The following LARP6 variants were observed in gnomAD, a reference collection of about 807,000 sequenced individuals.
LARP6 encodes La ribonucleoprotein 6, translational regulator, also known as la-related protein 6.
A neutral mutation model predicts 32.8 loss-of-function variants in LARP6; 18 were observed. The observed-to-expected ratio is 0.55, with a 90% CI of 0.38 to 0.81. The LOEUF (loss-of-function observed/expected upper bound fraction) is 0.81, where lower values mean the gene tolerates loss of function less well. Among genes scored for constraint, LARP6 ranks in the 40% least tolerant of loss-of-function variants. The probability of loss-of-function intolerance (pLI) is 0.00; values close to 1 mark genes in which losing one functional copy is unlikely to be tolerated. For missense variants in LARP6, 598 were observed against 663.1 expected, an observed-to-expected ratio of 0.90 and a Z score of 1.08; for synonymous variants, 289 against 267.2, an observed-to-expected ratio of 1.08 and a Z score of -0.80.
chr15:70,835,116 T>C (rs2032123762), intron 2 of LARP6, among the ~76,000 whole-genome samples: 1 of 152,242 alleles, frequency 6.6e-6, no homozygotes, highest in African/African-American at 2.4e-5. Flanking sequence ...ACTTTTCATA[T>C]GAAGGTTTGC....
At chr15:70,836,535 G>C in intron 1 of LARP6, 30 bp from the exon 2 acceptor site, 1 of 1,586,498 alleles carries the variant, frequency 6.3e-7, no homozygotes, top group Non-Finnish European at 8.7e-7. Flanking sequence ...CCGGGTGTTA[G>C]GGTCAACGTT....
chr15:70,847,546 T>G (rs1403079526), intron 1 of LARP6, among the ~76,000 whole-genome samples: 1 of 152,028 alleles, frequency 6.6e-6, no homozygotes, highest in African/African-American at 2.4e-5. Flanking sequence ...ATTTTTGTAT[T>G]TTTTAGTAGA....
rs1203357268 is a variant in LARP6, at chr15:70,854,137, G to C, written c.-49C>G. 12 of 1,200,958 alleles carry C rather than the reference G, an allele frequency of 1.0e-5. No individual in the cohort carries two copies. The highest frequency in any genetic ancestry group is 1.2e-5 in the Non-Finnish European group (12 of 963,920). 74.4% of individuals were successfully genotyped at this position (1,200,958 alleles called of 1,614,324 possible). The stretch of plus-strand genomic sequence containing the variant: ...CGGGGTCCTCACGCCGCAAGGCCCA[G>C]CCAGCCGGTCGGCAGCGACTGCGAC... On this transcript the variant is annotated 5_prime_UTR_variant, in exon 1 of 3. Coordinates refer to ENST00000299213, the MANE Select transcript of LARP6 (RefSeq NM_018357.4).
intron 1 of LARP6, among the ~76,000 whole-genome samples, chr15:70,838,369 C>A (rs1366139991): frequency 2.0e-5 from 3 of 152,114 alleles, no homozygotes; most frequent in African/African-American, 7.2e-5. Context: ...CCTAGCGTAC[C>A]GTTAAAGCTC....
chr15:70,850,776 T>G (rs191284052), intron 1 of LARP6, among the ~76,000 whole-genome samples: 1 of 152,218 alleles, frequency 6.6e-6, no homozygotes, highest in Non-Finnish European at 1.5e-5. Flanking sequence ...ATCAAAACCT[T>G]AGCCCTATCT....
Position 70,852,298 on chromosome 15 carries a change from C to T in LARP6, c.200+1591G>A, listed in dbSNP as rs1272832169. On this transcript the variant is annotated intron_variant, in intron 1 of 2. Transcript: ENST00000299213. ...AGCAGGAAGGGCTTCAGACTGAACA[C>T]TTGCTGAGACTCAAGCCACGGGAGC... 7 of 455,672 alleles carry T rather than the reference C, an allele frequency of 1.5e-5. No individual in the cohort carries two copies. The East Asian group carries it at 2.8e-4, about 18-fold the overall frequency. The allele number at this position is 455,672 out of a possible 1,614,324, so 28.2% of individuals were successfully genotyped here.
rs143962588 is a variant in LARP6 at position 70,831,132 on chromosome 15, C to A, written c.*920G>T. 1 of 152,374 alleles carries A rather than the reference C, an allele frequency of 6.6e-6. No individual in the cohort carries two copies. The highest frequency in any genetic ancestry group is 1.9e-4 in the East Asian group (1 of 5,178). 9.4% of individuals were successfully genotyped at this position (152,374 alleles called of 1,614,324 possible). A position where few individuals can be genotyped will look rare whatever the true frequency, so the allele number is the denominator to read the frequency against. On this transcript the variant is annotated 3_prime_UTR_variant, in exon 3 of 3. Transcript: ENST00000299213. ...CTCCCAGACTTTCTAATTCAGTGGGCCTAGGGTTGGCCTGAGAATCTGGAT... is the reference window on the plus strand; with the variant it reads ...CTCCCAGACTTTCTAATTCAGTGGGACTAGGGTTGGCCTGAGAATCTGGAT...
chr15:70,837,976 A>G (rs1014871086), intron 1 of LARP6, among the ~76,000 whole-genome samples: 4 of 152,196 alleles, frequency 2.6e-5, no homozygotes, highest in African/African-American at 9.7e-5. Flanking sequence ...ACGCAAATTC[A>G]TTTATGTTTC....
Position 70,832,206 on chromosome 15 carries a change from A to T in LARP6, c.1322T>A (p.Met441Lys). 6.2e-7 allele frequency: 1 copy of T among 1,614,052 alleles called. No homozygotes were observed. ...PWVRRRRQAE[M>K]GTQEKSPGTS... ...ACCGGGGCTTTTCTCCTGGGTCCCC[A>T]TCTCGGCTTGGCGACGCCTCCGGAC... Residue 441 changes from methionine to lysine, a missense_variant, in exon 3 of 3, where the codon ATG (methionine) becomes AAG (lysine). Coordinates refer to ENST00000299213, the MANE Select transcript of LARP6 (RefSeq NM_018357.4).
At chr15:70,845,826 T>G (rs1277370732) in intron 1 of LARP6, among the ~76,000 whole-genome samples, 1 of 152,240 alleles carries the variant, frequency 6.6e-6, no homozygotes, top group Non-Finnish European at 1.5e-5. Flanking sequence ...AGGCTTCACA[T>G]GAGGGTGAGC....
intron 1 of LARP6, among the ~76,000 whole-genome samples, chr15:70,847,299 C>A (rs992898902): frequency 6.6e-6 from 1 of 151,628 alleles, no homozygotes; most frequent in Non-Finnish European, 1.5e-5. Context: ...TAGCTATAAA[C>A]CTGTGAGAAA....
At position 70,848,377 on chromosome 15, in the gene LARP6, G is replaced by T. The variant is rs188434198; in HGVS notation, c.200+5512C>A. Among the ~76,000 whole-genome samples the T allele has an allele frequency of 4.4e-3, 663 of 152,284 alleles. 5 individuals carry two copies. The highest frequency in any genetic ancestry group is 0.015 in the African/African-American group (638 of 41,570). On this transcript the variant is annotated intron_variant, in intron 1 of 2. Coordinates refer to ENST00000299213, the MANE Select transcript of LARP6 (RefSeq NM_018357.4). ...GGGTCTAAATAATGATTCGTAGTTT[G>T]GAGTAGAGACTACGTATATCAGGCA...
intron 1 of LARP6, among the ~76,000 whole-genome samples, chr15:70,850,337 G>A (rs2032424905): frequency 6.6e-6 from 1 of 152,186 alleles, no homozygotes; most frequent in South Asian, 2.1e-4. Flanking sequence ...GAAGAGGAGG[G>A]AATGCTTCCA....
chr15:70,843,806 C>CTGCCACG (rs1326522935), intron 1 of LARP6, among the ~76,000 whole-genome samples: 5 of 151,502 alleles, frequency 3.3e-5, no homozygotes, highest in African/African-American at 1.2e-4. Context: ...CAGGCGCACG[C>CTGCCACG]TGCCACGCCC....
intron 1 of LARP6, among the ~76,000 whole-genome samples, chr15:70,847,048 A>G (rs1434699044): frequency 6.6e-6 from 1 of 152,222 alleles, no homozygotes; most frequent in Non-Finnish European, 1.5e-5. Flanking sequence ...TTCTTTCATT[A>G]TAGTATTACC....
In LARP6 at chr15:70,833,000, G is replaced by A. The variant is rs28676469; in HGVS notation, c.528C>T (p.Phe176=). The A allele has an allele frequency of 0.051, 81,580 of 1,612,772 alleles. 2,484 individuals are homozygous for A. Among genetic ancestry groups the A allele is most frequent in the African/African-American group, 0.12 (8,687 of 74,948 alleles). ...TCTTGCTGGGGAGGTTCTCGTTGGG[G>A]AACAGTGGGACGGGGGTGGTCCTCC... ...KVRRTTPVPL[F]PNENLPSKML... Residue 176 remains phenylalanine, a synonymous_variant, in exon 3 of 3, where the codon TTC becomes TTT. Coordinates refer to ENST00000299213, the MANE Select transcript of LARP6 (RefSeq NM_018357.4).
At chr15:70,848,750 C>A (rs1261108461) in intron 1 of LARP6, 1 of 151,826 alleles carries the variant, frequency 6.6e-6, no homozygotes, top group Non-Finnish European at 1.5e-5. Flanking sequence ...AAAGTAGAGG[C>A]TTTCATTATC....
Position 70,830,696 on chromosome 15 carries a change from T to C in LARP6, c.*1356A>G, listed in dbSNP as rs1207362388. On this transcript the variant is annotated 3_prime_UTR_variant, in exon 3 of 3. Coordinates refer to ENST00000299213, the MANE Select transcript of LARP6 (RefSeq NM_018357.4). The stretch of plus-strand genomic sequence containing the variant: ...TTAAATGAGATAATGCATGGAAAGC[T>C]CTTAGCATAGTCCCTGGCACCTAAT... 2.0e-5 allele frequency: 3 copies of C among 152,354 alleles called. No homozygotes were observed. Among genetic ancestry groups the C allele is most frequent in the South Asian group, 4.1e-4 (2 of 4,826 alleles). 9.4% of individuals were successfully genotyped at this position (152,354 alleles called of 1,614,324 possible).
At position 70,832,466 on chromosome 15, in the gene LARP6, C is replaced by A; in HGVS notation, c.1062G>T (p.Arg354=). The A allele has an allele frequency of 6.5e-7, 1 of 1,549,534 alleles. No homozygotes were observed. Among genetic ancestry groups the A allele is most frequent in the Non-Finnish European group, 8.7e-7 (1 of 1,150,956 alleles). ...GGCTGAGCTTGTTGGTGGCCGCGTG[C>A]CGTCGGCCCGCCATAGGGGATGTGG... is the stretch of plus-strand genomic sequence containing the variant. ...SNPTSPMAGR[R]HAATNKLSPS... The change falls in exon 3 of 3, where the codon CGG becomes CGT. Residue 354 remains arginine, a synonymous_variant. Transcript: ENST00000299213.
Sources: allele counts gnomAD v4.1 joint callset (sites outside exome capture counted in the v4.1 genomes callset), GRCh38; gene constraint gnomAD v4.1.1; transcripts MANE v1.5; gene names NCBI Gene and HGNC (gene_info 2026-07-23, HGNC 2026-07-21).